Variants in ATRNL1 observed in about 807,000 individuals in gnomAD.
ATRNL1 encodes attractin-like protein 1.
A neutral mutation model predicts 182.7 loss-of-function variants in ATRNL1; 95 were observed. The observed-to-expected ratio is 0.52, with a 90% confidence interval of 0.44 to 0.62. The LOEUF is 0.62. Among genes scored for constraint, ATRNL1 ranks in the 20% least tolerant of loss-of-function variants. The pLI is 0.00. For synonymous variants in ATRNL1, 576 were observed against 568.3 expected, an observed-to-expected ratio of 1.01 and a Z score of -0.19; for missense variants, 1,471 against 1,679.5, an observed-to-expected ratio of 0.88 and a Z score of 2.17.
chr10:115,129,335 C>T lies in ATRNL1; in HGVS notation c.629C>T (p.Ser210Phe). ...TGFNIFYSIN[S>F]CPNNCSGHGK... ...TGAATTATATTTTACAGAATCAATT[C>T]TTGTCCTAACAATTGCTCTGGTCAT... Residue 210 changes from serine (S) to phenylalanine (F), a missense_variant, in exon 5 of 29, where the codon TCT (serine) becomes TTT (phenylalanine). Ser to Phe is a radical substitution (Grantham distance 155). Around this residue, in one of 3 missense-constraint regions of ATRNL1, gnomAD observed 1,031 missense variants for 1,156.0 expected, o/e 0.89. Coordinates refer to ENST00000355044, the MANE Select transcript of ATRNL1 (RefSeq NM_207303.4). The T allele has an allele frequency of 6.2e-7, 1 of 1,611,120 alleles. No individual in the cohort carries two copies. The highest frequency in any genetic ancestry group is 8.5e-7 in the Non-Finnish European group (1 of 1,177,608).
chr10:115,382,637 C>T (rs531950886), intron 19 of ATRNL1, among the ~76,000 whole-genome samples: 34 of 148,726 alleles, frequency 2.3e-4, no homozygotes, highest in Non-Finnish European at 3.6e-4. Flanking sequence ...ATATGTGAGT[C>T]GTAATAGCTT....
At chr10:115,664,941 A>G (rs1860915793) in intron 26 of ATRNL1, among the ~76,000 whole-genome samples, 1 of 152,108 alleles carries the variant, frequency 6.6e-6, no homozygotes, top group South Asian at 2.1e-4. Flanking sequence ...GTCATTTGAT[A>G]TTAAATTCTG....
chr10:115,428,175 A>C (rs763190864), intron 21 of ATRNL1, among the ~76,000 whole-genome samples: 2 of 151,926 alleles, frequency 1.3e-5, no homozygotes, highest in Admixed American at 1.3e-4. Flanking sequence ...GCTATTGATA[A>C]TGTTAGCTTA....
In ATRNL1 at chr10:115,171,287, A is replaced by G. The variant is rs1029918150; in HGVS notation, c.1343A>G (p.His448Arg). ...YGYTSSIQEY[H>R]ISSNTWLVPE... ...TATACAAGCAGCATACAGGAATACC[A>G]TATCTGTGAGTTACTTAAAAATTGT... The change falls in exon 8 of 29, where the codon CAT (histidine) becomes CGT (arginine). Residue 448 changes from histidine (H) to arginine (R), a missense_variant. Around this residue, in one of 3 missense-constraint regions of ATRNL1, gnomAD observed 1,031 missense variants for 1,156.0 expected, o/e 0.89. Transcript: ENST00000355044. 5 of 1,567,470 alleles carry G rather than the reference A, an allele frequency of 3.2e-6. No homozygotes were observed. Among genetic ancestry groups the G allele is most frequent in the Non-Finnish European group, 4.3e-6 (5 of 1,150,294 alleles).
Position 115,300,018 on chromosome 10 carries a change from T to A in ATRNL1, c.2416-16T>A, listed in dbSNP as rs1220680679. On this transcript the variant is annotated splice_polypyrimidine_tract_variant and intron_variant, in intron 15 of 28. Transcript: ENST00000355044. ...ATCTAACTTTCTTTGAATGCCCCTT[T>A]TCCTGTTGTTTACAGAAAGTATCAC... 5.7e-6 allele frequency: 9 copies of A among 1,584,760 alleles called. No homozygotes were observed. The highest frequency in any genetic ancestry group is 1.3e-5 in the African/African-American group (1 of 74,286).
chr10:115,159,753 A>G (rs1353787716), intron 5 of ATRNL1, among the ~76,000 whole-genome samples: 1 of 151,690 alleles, frequency 6.6e-6, no homozygotes, highest in Non-Finnish European at 1.5e-5. Flanking sequence ...ATACTCTTGT[A>G]GCATACTAAA....
At chr10:115,311,875 T>C (rs1261073233) in intron 17 of ATRNL1, among the ~76,000 whole-genome samples, 4 of 152,064 alleles carry the variant, frequency 2.6e-5, no homozygotes, top group Non-Finnish European at 4.4e-5. Flanking sequence ...TTTTTTTTTC[T>C]TTACTGTTGT....
At chr10:115,157,084 T>A (rs2143965213) in intron 5 of ATRNL1, among the ~76,000 whole-genome samples, 1 of 152,234 alleles carries the variant, frequency 6.6e-6, no homozygotes, top group African/African-American at 2.4e-5. Context: ...ATATATTTCA[T>A]AGCTAGAATA....
In ATRNL1 at chr10:115,699,627, C is replaced by G. The variant is rs891973111; in HGVS notation, c.3796-27621C>G. Among the ~76,000 whole-genome samples the G allele has an allele frequency of 2.6e-5, 4 of 151,948 alleles. No individual in the cohort carries two copies. The South Asian group carries it at 8.3e-4, about 32-fold the overall frequency. On this transcript the variant is annotated intron_variant, in intron 26 of 28. Coordinates refer to ENST00000355044, the MANE Select transcript of ATRNL1 (RefSeq NM_207303.4). ...GTGAAAAAAGCAAGATATAAAGGAC[C>G]ATTCACAGTCAGAGAACATTTATTT...
chr10:115,375,753 T>G (rs987528961), intron 19 of ATRNL1, among the ~76,000 whole-genome samples: 11 of 152,154 alleles, frequency 7.2e-5, no homozygotes, highest in Non-Finnish European at 1.3e-4. Context: ...CATTACATTT[T>G]ATGTAATTGA....
intron 26 of ATRNL1, among the ~76,000 whole-genome samples, chr10:115,657,793 C>T (rs1175710103): frequency 2.0e-5 from 3 of 152,128 alleles, no homozygotes; most frequent in East Asian, 3.9e-4. Context: ...TTTAAACACT[C>T]TCCCTTTTCT....
At chr10:115,671,791 CTCT>C (rs1945704932) in intron 26 of ATRNL1, among the ~76,000 whole-genome samples, 1 of 152,090 alleles carries the variant, frequency 6.6e-6, no homozygotes. Context: ...ATGTACCCTT[CTCT>C]TCTTATCCCA....
intron 18 of ATRNL1, among the ~76,000 whole-genome samples, chr10:115,324,572 G>C (rs1854770548): frequency 6.6e-6 from 1 of 152,160 alleles, no homozygotes; most frequent in Non-Finnish European, 1.5e-5. Context: ...CCAAATATAT[G>C]ATGTGAATTT....
chr10:115,318,691 A>G (rs1352027156), intron 18 of ATRNL1, among the ~76,000 whole-genome samples: 1 of 152,074 alleles, frequency 6.6e-6, no homozygotes, highest in Non-Finnish European at 1.5e-5. Flanking sequence ...GGGTGTTTAT[A>G]GTATTCTCTG....
At chr10:115,268,465 G>A (rs1554911690) in intron 13 of ATRNL1, 21 bp downstream of exon 13, 4 of 1,474,914 alleles carry the variant, frequency 2.7e-6, no homozygotes, top group Non-Finnish European at 3.8e-6. Context: ...ATGGGTAAAT[G>A]GTGCTGTAGT....
At chr10:115,498,216 A>G (rs1341563459) in intron 24 of ATRNL1, among the ~76,000 whole-genome samples, 1 of 152,148 alleles carries the variant, frequency 6.6e-6, no homozygotes, top group East Asian at 1.9e-4. Context: ...GCCTATTATT[A>G]TTATTTTGCC....
chr10:115,278,197 T>C (rs1427855162), intron 13 of ATRNL1, among the ~76,000 whole-genome samples: 1 of 152,212 alleles, frequency 6.6e-6, no homozygotes, highest in Non-Finnish European at 1.5e-5. Flanking sequence ...TGTTTTCGAA[T>C]TCACTGGAAA....
At chr10:115,100,372 C>G (rs1399754048) in intron 1 of ATRNL1, among the ~76,000 whole-genome samples, 1 of 149,426 alleles carries the variant, frequency 6.7e-6, no homozygotes, top group Non-Finnish European at 1.5e-5. Context: ...TTTTTTTTCT[C>G]TAGAAGTTTT....
intron 28 of ATRNL1, among the ~76,000 whole-genome samples, chr10:115,858,293 C>T (rs182377361): frequency 8.3e-4 from 127 of 152,204 alleles, no homozygotes; most frequent in Non-Finnish European, 8.8e-4. Context: ...ACCAAAATGC[C>T]CATCAATGAT....
Sources: allele counts gnomAD v4.1 joint callset (sites outside exome capture counted in the v4.1 genomes callset), GRCh38; gene constraint gnomAD v4.1.1; regional missense constraint gnomAD v4.1.1; transcripts MANE v1.5; gene names NCBI Gene and HGNC (gene_info 2026-07-23, HGNC 2026-07-21).